The following RBPJ variants were observed in gnomAD, a reference collection of about 807,000 sequenced individuals.
RBPJ encodes recombination signal binding protein for immunoglobulin kappa J region.
RBPJ carries 9 observed loss-of-function variants against 67.8 expected under a neutral mutation model. The ratio of observed to expected loss-of-function variants is 0.13; its 90% CI spans 0.08 to 0.23. The LOEUF is 0.23. Ranked by LOEUF, RBPJ falls within the 10% of genes least tolerant of loss-of-function variation. The pLI is 1.00. For synonymous variants in RBPJ, 198 were observed against 203.3 expected (o/e 0.97, Z 0.22); for missense variants, 305 against 595.6 (o/e 0.51, Z 5.08).
At chr4:26,282,976 G>A (rs1721328335) in intron 1 of RBPJ, among the ~76,000 whole-genome samples, 1 of 124,374 alleles carries the variant, frequency 8.0e-6, no homozygotes, top group African/African-American at 3.2e-5. Flanking sequence ...TGTCACCCAG[G>A]CTGGAGTGCA....
At chr4:26,214,889 G>A (rs200624377) in intron 1 of RBPJ, among the ~76,000 whole-genome samples, 9 of 23,984 alleles carry the variant, frequency 3.8e-4, no homozygotes, top group Non-Finnish European at 6.6e-4. Context: ...AAAAGAGAGA[G>A]AAAAAAGAGA....
At chr4:26,310,819 G>A (rs1409669165) in intron 1 of RBPJ, among the ~76,000 whole-genome samples, 1 of 152,128 alleles carries the variant, frequency 6.6e-6, no homozygotes, top group East Asian at 1.9e-4. Context: ...ACAGGCGCCT[G>A]CCAACGCACC....
chr4:26,423,674 A>G (rs1432072124), intron 5 of RBPJ, among the ~76,000 whole-genome samples: 1 of 152,242 alleles, frequency 6.6e-6, no homozygotes, highest in Non-Finnish European at 1.5e-5. Flanking sequence ...TTTGTACTGA[A>G]TATTAGTTTC....
chr4:26,234,769 T>C (rs1719398302), intron 1 of RBPJ, among the ~76,000 whole-genome samples: 1 of 152,172 alleles, frequency 6.6e-6, no homozygotes, highest in South Asian at 2.1e-4. Flanking sequence ...CTAGGCTCAC[T>C]GCAACCTCCT....
intron 1 of RBPJ, among the ~76,000 whole-genome samples, chr4:26,224,598 T>A (rs1464449221): frequency 6.6e-6 from 1 of 152,058 alleles, no homozygotes; most frequent in East Asian, 1.9e-4. Flanking sequence ...CCTCAAGAGA[T>A]CCACCCACCT....
At chr4:26,189,847 C>A (rs1236967239) in intron 1 of RBPJ, among the ~76,000 whole-genome samples, 1 of 152,166 alleles carries the variant, frequency 6.6e-6, no homozygotes, top group Non-Finnish European at 1.5e-5. Flanking sequence ...CATTAATTAG[C>A]CTGTAGGGCT....
At chr4:26,420,968 T>C (rs1735074060) in intron 5 of RBPJ, 1 of 423,854 alleles carries the variant, frequency 2.4e-6, no homozygotes, top group Admixed American at 4.1e-5. Context: ...GGAGATTTTC[T>C]CCTTCTGTTG....
chr4:26,134,680 G>A, the RBPJ span, among the ~76,000 whole-genome samples: 6 of 152,152 alleles, frequency 3.9e-5, no homozygotes, highest in African/African-American at 9.7e-5. Context: ...AGGAGATTCC[G>A]ATAGAAATGG....
chr4:26,315,420 G>A (rs1023694135), upstream of RBPJ, among the ~76,000 whole-genome samples: 2 of 151,732 alleles, frequency 1.3e-5, no homozygotes, highest in African/African-American at 2.4e-5. Flanking sequence ...TTCAAAAAGG[G>A]AGGGGGTGTA....
chr4:26,430,071 A>C lies in RBPJ; in HGVS notation c.1044+18A>C. On this transcript the variant is annotated intron_variant, in intron 9 of 10. Coordinates refer to ENST00000355476, the MANE Select transcript of RBPJ (RefSeq NM_015874.6). This position sits in a 1 kb window ranked among gnomAD's most constrained non-coding sequence, Gnocchi z 4.1. ...GCCTTCAGGTGAGAACGCCTAGTCCAAGTTGGCCTTCAGCTCTTTGCAGCT... is the reference window on the plus strand; with the variant it reads ...GCCTTCAGGTGAGAACGCCTAGTCCCAGTTGGCCTTCAGCTCTTTGCAGCT... 6.2e-7 allele frequency: 1 copy of C among 1,613,768 alleles called. No individual in the cohort carries two copies. Among genetic ancestry groups the C allele is most frequent in the Non-Finnish European group, 8.5e-7 (1 of 1,179,864 alleles).
rs565401821 is a variant in RBPJ at position 26,424,117 on chromosome 4, T to C, written c.497-225T>C. ...TAAACATACTGTGTAGCTTTCACTTTAAAATTATTTTTATGGACATTTGAT... is the reference window on the plus strand; with the variant it reads ...TAAACATACTGTGTAGCTTTCACTTCAAAATTATTTTTATGGACATTTGAT... On this transcript the variant is annotated intron_variant, in intron 5 of 10. Transcript: ENST00000355476. The surrounding 1 kb of genome is among the most constrained non-coding windows in gnomAD (Gnocchi z 5.3). 1.3e-5 allele frequency among the ~76,000 whole-genome samples: 2 copies of C among 152,372 alleles called. No homozygotes were observed. The highest frequency in any genetic ancestry group is 1.3e-4 in the Admixed American group (2 of 15,308).
chr4:26,276,589 C>T (rs894587237), intron 1 of RBPJ, among the ~76,000 whole-genome samples: 2 of 152,154 alleles, frequency 1.3e-5, no homozygotes, highest in Middle Eastern at 3.2e-3. Context: ...CCATTGCTGT[C>T]AACACAGTGA....
intron 1 of RBPJ, among the ~76,000 whole-genome samples, chr4:26,294,483 A>T (rs1721794172): frequency 6.6e-6 from 1 of 151,986 alleles, no homozygotes; most frequent in Non-Finnish European, 1.5e-5. Flanking sequence ...ATTGTAGGGG[A>T]CGGGAGTGGA....
At chr4:26,419,574 A>G (rs1734923111) in intron 4 of RBPJ, among the ~76,000 whole-genome samples, 1 of 152,216 alleles carries the variant, frequency 6.6e-6, no homozygotes, top group Admixed American at 6.5e-5. Flanking sequence ...GATACAGGAG[A>G]GGCAGTTGAA....
At chr4:26,190,360 G>T (rs1438763920) in intron 1 of RBPJ, among the ~76,000 whole-genome samples, 2 of 152,164 alleles carry the variant, frequency 1.3e-5, no homozygotes, top group Non-Finnish European at 2.9e-5. Flanking sequence ...AGGGGGAAAG[G>T]CAGGTCCTAG....
intron 1 of RBPJ, among the ~76,000 whole-genome samples, chr4:26,228,333 C>T (rs1289106514): frequency 6.6e-6 from 1 of 152,186 alleles, no homozygotes; most frequent in Non-Finnish European, 1.5e-5. Flanking sequence ...TTTTAAAATA[C>T]AAACCCAAGC....
the RBPJ span, among the ~76,000 whole-genome samples, chr4:26,144,980 T>G: frequency 5.9e-5 from 9 of 151,962 alleles, no homozygotes; most frequent in African/African-American, 2.2e-4. Context: ...CAACTGAAAA[T>G]TTCAGATTCT....
At chr4:26,364,025 G>C (rs1197859536) in intron 1 of RBPJ, among the ~76,000 whole-genome samples, 1 of 152,128 alleles carries the variant, frequency 6.6e-6, no homozygotes, top group African/African-American at 2.4e-5. Flanking sequence ...AGTAGTAGAA[G>C]TGAGTGAAGA....
chr4:26,343,569 A>G (rs1357563126), intron 1 of RBPJ, among the ~76,000 whole-genome samples: 2 of 151,208 alleles, frequency 1.3e-5, no homozygotes, highest in African/African-American at 2.4e-5. Context: ...TTTTTTTGAG[A>G]TAGAATCTCG....
Sources: gnomAD v4.1 joint callset for allele counts (sites outside exome capture counted in the v4.1 genomes callset) on GRCh38, gnomAD v4.1.1 for gene constraint, Gnocchi (gnomAD v3.1) non-coding constraint, MANE v1.5 for transcripts, NCBI Gene and HGNC (gene_info 2026-07-23, HGNC 2026-07-21) for gene names.